The following XPNPEP2 variants were observed in gnomAD, a reference collection of about 807,000 sequenced individuals.
XPNPEP2 encodes X-prolyl aminopeptidase 2.
In XPNPEP2, 64 loss-of-function variants were observed where a neutral mutation model predicts 59.8. That is an observed-to-expected ratio of 1.07 (90% CI 0.87 to 1.32). The LOEUF (loss-of-function observed/expected upper bound fraction) is 1.32, where lower values mean the gene tolerates loss of function less well. Ranked by LOEUF, XPNPEP2 falls within the 40% of genes most tolerant of loss-of-function variation. XPNPEP2 has a pLI of 0.00. For missense variants in XPNPEP2, 575 were observed against 546.8 expected, an observed-to-expected ratio of 1.05 and a Z score of -0.51; for synonymous variants, 235 against 210.0, an observed-to-expected ratio of 1.12 and a Z score of -1.03.
intron 7 of XPNPEP2, among the ~76,000 whole-genome samples, chrX:129,748,153 T>C (rs1197163619): frequency 8.9e-6 from 1 of 112,085 alleles, no homozygotes; most frequent in Non-Finnish European, 1.9e-5. Flanking sequence ...CCTTTACTTC[T>C]GACCCTCTTG....
At chrX:129,760,485 C>T (rs1479197155) in intron 15 of XPNPEP2, 27 bp from the exon 16 acceptor site, 1 of 1,203,739 alleles carries the variant, frequency 8.3e-7, no homozygotes, top group East Asian at 3.0e-5. Flanking sequence ...TCCCGTCCTC[C>T]ATATCACCTC....
chrX:129,761,150 G>T (rs1324067404), intron 16 of XPNPEP2, 22 bp from the exon 17 acceptor site: 2 of 1,201,999 alleles, frequency 1.7e-6, no homozygotes, highest in South Asian at 3.5e-5. Flanking sequence ...TCTGACTGGG[G>T]TCAATCTCTC....
chrX:129,747,672 A>T lies in XPNPEP2; in HGVS notation c.556A>T (p.Asn186Tyr), dbSNP rs1162836899. 1 of 1,210,679 alleles carries T rather than the reference A, an allele frequency of 8.3e-7. No individual in the cohort carries two copies. Among genetic ancestry groups the T allele is most frequent in the East Asian group, 3.0e-5 (1 of 33,823 alleles). The change falls in exon 7 of 21, where the codon AAT becomes TAT. Residue 186 changes from asparagine (N) to tyrosine (Y), a missense_variant. Coordinates refer to ENST00000371106, the MANE Select transcript of XPNPEP2 (RefSeq NM_003399.6). ...CAGACAGCTGGTGTCCATCACAACC[A>T]ATCTTGTGGACCTGGTATGGGGATC... ...SNRQLVSITT[N>Y]LVDLVWGSER... is the part of the protein sequence containing the mutation.
At chrX:129,746,057 A>G (rs1486149397) in intron 4 of XPNPEP2, among the ~76,000 whole-genome samples, 179 bp from the exon 5 acceptor site, 1 of 112,105 alleles carries the variant, frequency 8.9e-6, no homozygotes, top group Non-Finnish European at 1.9e-5. Context: ...CCTTTCTGCC[A>G]GCTCCCCCCA....
intron 5 of XPNPEP2, 91 bp downstream of exon 5, chrX:129,746,431 C>T: frequency 1.0e-6 from 1 of 991,541 alleles, no homozygotes; most frequent in Non-Finnish European, 1.4e-6. Context: ...TAAGACCATG[C>T]TGGGCCTCTA....
chrX:129,739,112 T>C lies in XPNPEP2; in HGVS notation c.-102T>C. The C allele has an allele frequency of 1.1e-6, 1 of 882,552 alleles. No homozygotes were observed. Among genetic ancestry groups the C allele is most frequent in the Non-Finnish European group, 1.6e-6 (1 of 626,616 alleles). 72.7% of individuals were successfully genotyped at this position (882,552 alleles called of 1,213,427 possible). On this transcript the variant is annotated 5_prime_UTR_variant, in exon 1 of 21. Coordinates refer to ENST00000371106, the MANE Select transcript of XPNPEP2 (RefSeq NM_003399.6). ...TCTTGACGCCAGCCCCCACCCTCTGTCTGCTCGAGCCCAGGAAAGGCCTGA... is the reference window on the plus strand; with the variant it reads ...TCTTGACGCCAGCCCCCACCCTCTGCCTGCTCGAGCCCAGGAAAGGCCTGA...
At chrX:129,740,520 A>AG (rs969166820) in intron 1 of XPNPEP2, among the ~76,000 whole-genome samples, 1 of 109,845 alleles carries the variant, frequency 9.1e-6, no homozygotes. Context: ...CCAGTTCCTC[A>AG]GGGGGGGCTG....
At chrX:129,764,913 A>C (rs954693281) in intron 19 of XPNPEP2, among the ~76,000 whole-genome samples, 1 of 111,266 alleles carries the variant, frequency 9.0e-6, no homozygotes, top group African/African-American at 3.3e-5. Context: ...GCGGTGAGCC[A>C]AGATCACACC....
chrX:129,740,523 G>C (rs2283773), intron 1 of XPNPEP2, among the ~76,000 whole-genome samples: 28,158 of 109,735 alleles, frequency 0.26, 2,733 homozygotes, highest in East Asian at 0.39. Context: ...GTTCCTCAGG[G>C]GGGGCTGAGG....
At chrX:129,747,928 C>T in intron 7 of XPNPEP2, 175 bp downstream of exon 7, 1 of 621,738 alleles carries the variant, frequency 1.6e-6, no homozygotes. Context: ...GGCCCCCTCC[C>T]CTTGAGGAGT....
At chrX:129,742,805 G>A (rs76990544) in intron 2 of XPNPEP2, among the ~76,000 whole-genome samples, 2,300 of 112,098 alleles carry the variant, frequency 0.021, 48 homozygotes, top group African/African-American at 0.07. Context: ...AGGAGGCTAA[G>A]GCAGAAGAAT....
At chrX:129,764,969 A>C (rs187523191) in intron 19 of XPNPEP2, among the ~76,000 whole-genome samples, 52 of 112,117 alleles carry the variant, frequency 4.6e-4, no homozygotes, top group African/African-American at 1.7e-3. Flanking sequence ...GTCTCTAAAA[A>C]AAGAAGAAGG....
At chrX:129,761,701 G>A (rs751377969) in intron 17 of XPNPEP2, among the ~76,000 whole-genome samples, 4 of 112,153 alleles carry the variant, frequency 3.6e-5, no homozygotes, top group East Asian at 5.6e-4. Context: ...GCATGTGCCT[G>A]TAGTCCTGGC....
intron 1 of XPNPEP2, among the ~76,000 whole-genome samples, chrX:129,741,536 C>G (rs531775796): frequency 8.9e-6 from 1 of 112,107 alleles, no homozygotes; most frequent in Non-Finnish European, 1.9e-5. Context: ...AATAGGGTGT[C>G]TTTAAATACT....
chrX:129,751,967 AC>A (rs1445673259), intron 9 of XPNPEP2, 141 bp downstream of exon 9: 1 of 803,136 alleles, frequency 1.2e-6, no homozygotes, highest in Non-Finnish European at 1.8e-6. Context: ...CCTTTAGAAA[AC>A]CCCCTGTTGT....
At chrX:129,767,771 C>A in intron 20 of XPNPEP2, 79 bp downstream of exon 20, 1 of 1,038,143 alleles carries the variant, frequency 9.6e-7, no homozygotes, top group Non-Finnish European at 1.3e-6. Flanking sequence ...ATCCTCTGTC[C>A]CTGCCCCTCC....
chrX:129,760,180 G>T (rs1172770657), intron 15 of XPNPEP2, among the ~76,000 whole-genome samples: 2 of 112,508 alleles, frequency 1.8e-5, no homozygotes, highest in African/African-American at 6.5e-5. Context: ...CCTGCCCAAG[G>T]TCTCAGAGTG....
chrX:129,756,326 G>A (rs1926516472), intron 13 of XPNPEP2, among the ~76,000 whole-genome samples, 158 bp from the exon 14 acceptor site: 1 of 111,819 alleles, frequency 8.9e-6, no homozygotes, highest in Non-Finnish European at 1.9e-5. Flanking sequence ...CAGCAGCAAC[G>A]GAAGCTGAGT....
chrX:129,767,810 G>A, intron 20 of XPNPEP2, 118 bp downstream of exon 20: 1 of 720,499 alleles, frequency 1.4e-6, no homozygotes, highest in Non-Finnish European at 2.2e-6. Context: ...GGTGGCACCT[G>A]CAGACACACA....
Sources: allele counts gnomAD v4.1 joint callset (sites outside exome capture counted in the v4.1 genomes callset), GRCh38; gene constraint gnomAD v4.1.1; transcripts MANE v1.5; gene names NCBI Gene and HGNC (gene_info 2026-07-23, HGNC 2026-07-21).